Variants in TMEM63B observed in about 807,000 individuals in gnomAD.
TMEM63B encodes the protein mechanosensitive cation channel TMEM63B.
TMEM63B carries 23 observed loss-of-function variants against 102.6 expected under a neutral mutation model. The observed-to-expected ratio is 0.22, with a 90% CI of 0.16 to 0.32. The LOEUF (loss-of-function observed/expected upper bound fraction) is 0.32, where lower values mean the gene tolerates loss of function less well. Ranked by LOEUF, TMEM63B falls within the 10% of genes least tolerant of loss-of-function variation. The pLI is 1.00. For synonymous variants in TMEM63B, 444 were observed against 437.0 expected, an observed-to-expected ratio of 1.02 and a Z score of -0.20; for missense variants, 628 against 1,095.9, an observed-to-expected ratio of 0.57 and a Z score of 6.03.
intron 10 of TMEM63B, among the ~76,000 whole-genome samples, chr6:44,144,562 C>G (rs553858704): frequency 6.6e-6 from 1 of 151,910 alleles, no homozygotes; most frequent in South Asian, 2.1e-4. Context: ...CTCATGCATT[C>G]AATACTTGGT....
intron 6 of TMEM63B, 104 bp from the exon 7 acceptor site, chr6:44,139,363 G>A (rs1307704868): frequency 1.8e-5 from 25 of 1,419,458 alleles, no homozygotes; most frequent in Non-Finnish European, 2.4e-5. Flanking sequence ...ATCAGCTGGA[G>A]CTAGGGTGGG....
At chr6:44,135,951 T>TCTCCC (rs1762852755) in intron 4 of TMEM63B, among the ~76,000 whole-genome samples, 1 of 151,964 alleles carries the variant, frequency 6.6e-6, no homozygotes, top group Admixed American at 6.5e-5. Flanking sequence ...CCTTCCAGGT[T>TCTCCC]CTCCTGGTCC....
At chr6:44,154,563 C>A in intron 23 of TMEM63B, 118 bp downstream of exon 23, 2 of 1,473,508 alleles carry the variant, frequency 1.4e-6, no homozygotes, top group Non-Finnish European at 1.9e-6. Flanking sequence ...GGGAAGAGAG[C>A]TGGTCTCCCT....
rs763649091 is a variant in TMEM63B at position 44,150,672 on chromosome 6, G to C, written c.1673+43G>C. On this transcript the variant is annotated intron_variant, in intron 18 of 23. Transcript: ENST00000323267. This position sits in a 1 kb window ranked among gnomAD's most constrained non-coding sequence, Gnocchi z 4.7. ...CTAGGGAAAGAGACCAGACAGCAGG[G>C]GTGGGTATGCTTGAGAGACATTGCC... 2 of 1,594,820 alleles carry C rather than the reference G, an allele frequency of 1.3e-6. No individual in the cohort carries two copies. Among genetic ancestry groups the C allele is most frequent in the African/African-American group, 2.7e-5 (2 of 74,476 alleles).
intron 15 of TMEM63B, chr6:44,149,296 A>G: frequency 2.6e-6 from 1 of 383,626 alleles, no homozygotes; most frequent in Middle Eastern, 8.4e-4. Flanking sequence ...TGATCTCTTT[A>G]TCGGTGTGAA....
At chr6:44,147,194 C>G (rs1765593778) in intron 11 of TMEM63B, among the ~76,000 whole-genome samples, 183 bp from the exon 12 acceptor site, 1 of 152,100 alleles carries the variant, frequency 6.6e-6, no homozygotes, top group Non-Finnish European at 1.5e-5. Flanking sequence ...TTAGGTCAGC[C>G]TGCAGGAAGA....
In TMEM63B at chr6:44,148,319, A is replaced by G; in HGVS notation, c.1055A>G (p.Glu352Gly). 1.2e-6 allele frequency: 2 copies of G among 1,614,262 alleles called. No homozygotes were observed. Among genetic ancestry groups the G allele is most frequent in the Non-Finnish European group, 8.5e-7 (1 of 1,180,052 alleles). The change falls in exon 13 of 24, where the codon GAG (glutamate) becomes GGG (glycine). Residue 352 changes from glutamate (E) to glycine (G), a missense_variant. This residue lies in a region of TMEM63B where 336 missense variants were observed against 580.3 expected (regional missense o/e 0.58). Transcript: ENST00000323267. This position sits in a 1 kb window ranked among gnomAD's most constrained non-coding sequence, Gnocchi z 5.1. The part of the protein sequence containing the change: ...KLKEDYKREK[E>G]KVNEKPLGMA... Reference sequence around the variant, plus strand: ...AAGGAAGACTACAAGCGGGAGAAGGAGAAGGTGAATGAGAAGCCTCTTGGC... The same window carrying G: ...AAGGAAGACTACAAGCGGGAGAAGGGGAAGGTGAATGAGAAGCCTCTTGGC...
rs1440422431 is a variant in TMEM63B, at chr6:44,150,344, A to G, written c.1607+34A>G. 3 of 1,595,502 alleles carry G rather than the reference A, an allele frequency of 1.9e-6. No individual in the cohort carries two copies. The highest frequency in any genetic ancestry group is 3.3e-5 in the Admixed American group (2 of 59,976). Reference sequence around the variant, plus strand: ...AGAAGGATGGGGCAGGAGCCAGGGTAGGGGGACAGCAGGATAGGGAGAGGA... The same window carrying G: ...AGAAGGATGGGGCAGGAGCCAGGGTGGGGGGACAGCAGGATAGGGAGAGGA... On this transcript the variant is annotated intron_variant, in intron 17 of 23. Coordinates refer to ENST00000323267, the MANE Select transcript of TMEM63B (RefSeq NM_018426.3). The surrounding 1 kb of genome is among the most constrained non-coding windows in gnomAD (Gnocchi z 4.7).
intron 3 of TMEM63B, 102 bp downstream of exon 3, chr6:44,135,198 G>A (rs1291829039): frequency 6.3e-7 from 1 of 1,577,514 alleles, no homozygotes; most frequent in Non-Finnish European, 8.7e-7. Context: ...CCCTTTGCTG[G>A]GGGGATGAGA....
At chr6:44,140,719 G>A (rs1327803597) in intron 9 of TMEM63B, among the ~76,000 whole-genome samples, 1 of 152,098 alleles carries the variant, frequency 6.6e-6, no homozygotes, top group Non-Finnish European at 1.5e-5. Context: ...CACTGTGCTG[G>A]GTTCTCAGGG....
chr6:44,151,758 G>C, intron 18 of TMEM63B, 88 bp from the exon 19 acceptor site: 1 of 1,426,982 alleles, frequency 7.0e-7, no homozygotes. Flanking sequence ...GTTGGTGGTG[G>C]AGGTGTTGGG....
intron 10 of TMEM63B, among the ~76,000 whole-genome samples, chr6:44,146,035 A>AG (rs1765313664): frequency 2.0e-5 from 3 of 152,176 alleles, no homozygotes; most frequent in Admixed American, 6.5e-5. Context: ...CACCCTGGTC[A>AG]GGGGTCAGGA....
intron 18 of TMEM63B, among the ~76,000 whole-genome samples, chr6:44,151,384 G>A (rs1256974551): frequency 2.0e-5 from 3 of 152,092 alleles, no homozygotes; most frequent in African/African-American, 7.2e-5. Flanking sequence ...ACTGATAAAG[G>A]TTCCTGGGCT....
rs1195570336 is a variant in TMEM63B at position 44,139,757 on chromosome 6, A to G, written c.600A>G (p.Ser200=). ...FGRTTIANLK[S]GNNLLWLHTS... is the part of the protein sequence containing the mutation. Reference sequence around the variant, plus strand: ...GAACCACCATTGCCAACTTGAAATCAGGGTAAGATGCGAAGCTGGTCGGCC... The same window carrying G: ...GAACCACCATTGCCAACTTGAAATCGGGGTAAGATGCGAAGCTGGTCGGCC... The change falls in exon 8 of 24, where the codon TCA becomes TCG. Residue 200 remains serine (S), a splice_region_variant and synonymous_variant. Coordinates refer to ENST00000323267, the MANE Select transcript of TMEM63B (RefSeq NM_018426.3). 2 of 1,614,032 alleles carry G rather than the reference A, an allele frequency of 1.2e-6. No homozygotes were observed. Among genetic ancestry groups the G allele is most frequent in the African/African-American group, 2.7e-5 (2 of 74,916 alleles).
chr6:44,145,728 G>A (rs1765251350), intron 10 of TMEM63B, among the ~76,000 whole-genome samples: 1 of 152,168 alleles, frequency 6.6e-6, no homozygotes, highest in Non-Finnish European at 1.5e-5. Flanking sequence ...TTGAACCCAG[G>A]AGTTCAAGAC....
At chr6:44,147,926 C>T (rs1765759949) in intron 12 of TMEM63B, among the ~76,000 whole-genome samples, 1 of 152,158 alleles carries the variant, frequency 6.6e-6, no homozygotes, top group Non-Finnish European at 1.5e-5. Flanking sequence ...AGTTTGAGAC[C>T]AGCCTGGGAA....
At chr6:44,145,426 CAA>C (rs772050735) in intron 10 of TMEM63B, among the ~76,000 whole-genome samples, 8 of 116,974 alleles carry the variant, frequency 6.8e-5, no homozygotes, top group Non-Finnish European at 5.5e-5. Context: ...ACTAAAAATA[CAA>C]AAAAAAAAAA....
intron 20 of TMEM63B, 30 bp from the exon 21 acceptor site, chr6:44,153,646 C>T (rs368796332): frequency 3.9e-5 from 63 of 1,601,130 alleles, no homozygotes; most frequent in Non-Finnish European, 5.1e-5. Flanking sequence ...GCACTGGTTC[C>T]GAGGTCAGGG....
At position 44,154,182 on chromosome 6, in the gene TMEM63B, C is replaced by G; in HGVS notation, c.2220C>G (p.Asn740Lys). Residue 740 changes from asparagine to lysine, a missense_variant, in exon 22 of 24, where the codon AAC (asparagine) becomes AAG (lysine). Asn to Lys is a moderately conservative substitution (Grantham distance 94, BLOSUM62 0). Around this residue, in one of 6 missense-constraint regions of TMEM63B, gnomAD observed 129 missense variants for 153.5 expected, o/e 0.84. Transcript: ENST00000323267. ...FGHFKYLSAH[N>K]YKIEHTETDT... ...ACTTCAAATACCTCAGTGCCCACAACTACAAGGTGTGGGGCAAGGGTGGCA... is the reference window on the plus strand; with the variant it reads ...ACTTCAAATACCTCAGTGCCCACAAGTACAAGGTGTGGGGCAAGGGTGGCA... 6.2e-7 allele frequency: 1 copy of G among 1,614,008 alleles called. No homozygotes were observed. Among genetic ancestry groups the G allele is most frequent in the Non-Finnish European group, 8.5e-7 (1 of 1,179,894 alleles).
Sources: allele counts gnomAD v4.1 joint callset (sites outside exome capture counted in the v4.1 genomes callset), GRCh38; gene constraint gnomAD v4.1.1; regional missense constraint gnomAD v4.1.1; non-coding constraint Gnocchi (gnomAD v3.1); transcripts MANE v1.5; gene names NCBI Gene and HGNC (gene_info 2026-07-23, HGNC 2026-07-21).